KAT6B: variants seen among roughly 807,000 people sequenced by gnomAD.
KAT6B encodes histone acetyltransferase KAT6B.
Under a neutral mutation model 187.5 loss-of-function variants are expected in KAT6B, and 10 were observed. That is an observed-to-expected ratio of 0.05 (90% CI 0.03 to 0.09). The LOEUF (loss-of-function observed/expected upper bound fraction) is 0.09. Ranked by LOEUF, KAT6B falls within the 10% of genes least tolerant of loss-of-function variation. The pLI is 1.00. For synonymous variants in KAT6B, 861 were observed against 926.8 expected, an observed-to-expected ratio of 0.93 and a Z score of 1.29; for missense variants, 1,952 against 2,558.9, an observed-to-expected ratio of 0.76 and a Z score of 5.12.
At position 74,941,536 on chromosome 10, in the gene KAT6B, C is replaced by T. The variant is rs538040390; in HGVS notation, c.622-18434C>T. 1.1e-4 allele frequency among the ~76,000 whole-genome samples: 16 copies of T among 152,194 alleles called. No individual in the cohort carries two copies. The South Asian group carries it at 3.3e-3, about 32-fold the overall frequency. On this transcript the variant is annotated intron_variant, in intron 3 of 17. Coordinates refer to ENST00000287239, the MANE Select transcript of KAT6B (RefSeq NM_012330.4). Reference sequence around the variant, plus strand: ...AAGGATAATAAAGGAATATTATGAGCAAGTTTATGCTAAAAAATTGGGTAA... The same window carrying T: ...AAGGATAATAAAGGAATATTATGAGTAAGTTTATGCTAAAAAATTGGGTAA...
chr10:74,852,882 C>A (rs1393865206), intron 3 of KAT6B, among the ~76,000 whole-genome samples: 1 of 152,150 alleles, frequency 6.6e-6, no homozygotes, highest in Non-Finnish European at 1.5e-5. Flanking sequence ...TTCCCAGCTA[C>A]ATTTGTGATA....
intron 13 of KAT6B, among the ~76,000 whole-genome samples, chr10:75,001,740 A>G (rs1358647350): frequency 3.3e-5 from 5 of 152,150 alleles, no homozygotes; most frequent in African/African-American, 1.2e-4. Flanking sequence ...CTACCTGAAA[A>G]TTGCCTTCTT....
At position 74,843,420 on chromosome 10, in the gene KAT6B, C is replaced by A; in HGVS notation, c.563C>A (p.Pro188His). The stretch of plus-strand genomic sequence containing the variant: ...GATGGCAAAGGGGCACCTCAGTATC[C>A]CAGTGCATTCCCATCCTCGCTCCCA... ...SLDGKGAPQY[P>H]SAFPSSLPPV... The change falls in exon 3 of 18, where the codon CCC becomes CAC. Residue 188 changes from proline to histidine, a missense_variant. Pro to His is a moderately conservative substitution (Grantham distance 77, BLOSUM62 -2). Around this residue, in one of 9 missense-constraint regions of KAT6B, gnomAD observed 218 missense variants for 282.6 expected, o/e 0.77. Coordinates refer to ENST00000287239, the MANE Select transcript of KAT6B (RefSeq NM_012330.4). The A allele has an allele frequency of 6.2e-7, 1 of 1,613,964 alleles. No homozygotes were observed. The highest frequency in any genetic ancestry group is 8.5e-7 in the Non-Finnish European group (1 of 1,179,990).
At chr10:74,897,757 G>A (rs969551532) in intron 3 of KAT6B, among the ~76,000 whole-genome samples, 4 of 152,122 alleles carry the variant, frequency 2.6e-5, no homozygotes, top group Non-Finnish European at 5.9e-5. Context: ...TTTCTTTAAA[G>A]AAGTACATCC....
chr10:75,021,749 C>G (rs1845420993), intron 15 of KAT6B, 132 bp from the exon 16 acceptor site: 4 of 853,090 alleles, frequency 4.7e-6, no homozygotes, highest in African/African-American at 3.3e-5. Flanking sequence ...TGAGATGATG[C>G]AGCTGGAATG....
intron 3 of KAT6B, among the ~76,000 whole-genome samples, chr10:74,898,397 C>G (rs1846132894): frequency 6.6e-6 from 1 of 151,762 alleles, no homozygotes; most frequent in Non-Finnish European, 1.5e-5. Context: ...ACTCATGATA[C>G]TGGTTTTGTT....
At chr10:74,850,229 TC>T (rs1323956635) in intron 3 of KAT6B, among the ~76,000 whole-genome samples, 2 of 152,186 alleles carry the variant, frequency 1.3e-5, no homozygotes, top group Non-Finnish European at 2.9e-5. Context: ...AAGTATCTCT[TC>T]CAGTTCTTCA....
At chr10:74,968,283 G>A (rs747449770) in intron 4 of KAT6B, among the ~76,000 whole-genome samples, 4 of 152,132 alleles carry the variant, frequency 2.6e-5, no homozygotes, top group Non-Finnish European at 4.4e-5. Context: ...AAAGAACAGT[G>A]TCACAGGTTA....
chr10:74,908,549 CAAAAA>C (rs10715826), intron 3 of KAT6B, among the ~76,000 whole-genome samples: 1 of 109,446 alleles, frequency 9.1e-6, no homozygotes, highest in Admixed American at 1.0e-4. Flanking sequence ...GACCCCGTCT[CAAAAA>C]AAAAAAAAAA....
intron 3 of KAT6B, among the ~76,000 whole-genome samples, chr10:74,849,762 A>G (rs995893561): frequency 1.3e-5 from 2 of 152,218 alleles, no homozygotes; most frequent in African/African-American, 2.4e-5. Flanking sequence ...TTGTCACAAT[A>G]ACTGCAAGGG....
chr10:74,908,121 T>C (rs1370254203), intron 3 of KAT6B, among the ~76,000 whole-genome samples: 1 of 152,108 alleles, frequency 6.6e-6, no homozygotes, highest in African/African-American at 2.4e-5. Context: ...AAGAAGAGTA[T>C]GAGAGACCTG....
chr10:74,999,972 C>T (rs1026638142), intron 13 of KAT6B, among the ~76,000 whole-genome samples: 1 of 152,154 alleles, frequency 6.6e-6, no homozygotes, highest in Non-Finnish European at 1.5e-5. Flanking sequence ...GTCAGGAGTT[C>T]AAGACCAGCC....
intron 3 of KAT6B, among the ~76,000 whole-genome samples, chr10:74,848,997 T>G (rs1449649430): frequency 1.3e-5 from 2 of 152,160 alleles, no homozygotes; most frequent in Non-Finnish European, 2.9e-5. Flanking sequence ...ATGCCTTTTT[T>G]TTGAGACAGA....
intron 2 of KAT6B, among the ~76,000 whole-genome samples, chr10:74,840,021 G>C (rs1287388193): frequency 6.6e-6 from 1 of 152,202 alleles, no homozygotes; most frequent in Non-Finnish European, 1.5e-5. Flanking sequence ...AGATGAAATT[G>C]AACGGTAATA....
chr10:74,829,097 C>T lies in KAT6B; in HGVS notation c.-329+2312C>T, dbSNP rs74818657. Among the ~76,000 whole-genome samples the T allele has an allele frequency of 1.4e-4, 21 of 151,840 alleles. No individual in the cohort carries two copies. The East Asian group carries it at 4.1e-3, about 29-fold the overall frequency. Reference sequence around the variant, plus strand: ...TTTAGGGAATGGCTGATGGTCATGACACGGTCGGCAGAGGAAGTTTTGCTT... The same window carrying T: ...TTTAGGGAATGGCTGATGGTCATGATACGGTCGGCAGAGGAAGTTTTGCTT... On this transcript the variant is annotated intron_variant, in intron 1 of 17. Coordinates refer to ENST00000287239, the MANE Select transcript of KAT6B (RefSeq NM_012330.4).
At chr10:74,961,927 C>T (rs1208272830) in intron 4 of KAT6B, among the ~76,000 whole-genome samples, 1 of 152,102 alleles carries the variant, frequency 6.6e-6, no homozygotes, top group African/African-American at 2.4e-5. Context: ...TTTTGTGAGC[C>T]AGTCTTCAAG....
intron 13 of KAT6B, among the ~76,000 whole-genome samples, chr10:74,993,265 T>C (rs1843224693): frequency 6.6e-6 from 1 of 152,190 alleles, no homozygotes; most frequent in African/African-American, 2.4e-5. Context: ...CTCACTATTT[T>C]TTTCTTTAAT....
intron 3 of KAT6B, among the ~76,000 whole-genome samples, chr10:74,919,969 T>A (rs1167138386): frequency 6.6e-6 from 1 of 152,234 alleles, no homozygotes; most frequent in East Asian, 1.9e-4. Flanking sequence ...ATATAGTTAA[T>A]GTCATTGTTT....
rs374965989 is a variant in KAT6B at position 74,978,284 on chromosome 10, A to G, written c.2115+847A>G. Among the ~76,000 whole-genome samples the G allele has an allele frequency of 2.0e-4, 31 of 152,300 alleles. No homozygotes were observed. In the East Asian group the frequency reaches 2.5e-3, roughly 12 times the overall value. On this transcript the variant is annotated intron_variant, in intron 9 of 17. Transcript: ENST00000287239. ...CCTTGTATCAGCTTTCCTTTGGCTAAGATAAATGTCAGATTTCCCCCAGTT... is the reference window on the plus strand; with the variant it reads ...CCTTGTATCAGCTTTCCTTTGGCTAGGATAAATGTCAGATTTCCCCCAGTT...
Sources: allele counts gnomAD v4.1 joint callset (sites outside exome capture counted in the v4.1 genomes callset), GRCh38; gene constraint gnomAD v4.1.1; regional missense constraint gnomAD v4.1.1; transcripts MANE v1.5; gene names NCBI Gene and HGNC (gene_info 2026-07-23, HGNC 2026-07-21).